The following POLG2 variants were observed in gnomAD, a reference collection of about 807,000 sequenced individuals.
POLG2 encodes DNA polymerase subunit gamma-2.
In POLG2, 50 loss-of-function variants were observed where a neutral mutation model predicts 56.5. The ratio of observed to expected loss-of-function variants is 0.88; its 90% CI spans 0.71 to 1.12. POLG2 has a LOEUF of 1.12. Ranked by LOEUF, POLG2 falls within the 50% of genes most tolerant of loss-of-function variation. The pLI is 0.00. For missense variants in POLG2, 584 were observed against 583.3 expected, an observed-to-expected ratio of 1.00 and a Z score of -0.01; for synonymous variants, 226 against 222.6, an observed-to-expected ratio of 1.02 and a Z score of -0.14.
intron 1 of POLG2, among the ~76,000 whole-genome samples, chr17:64,494,135 C>T (rs1555669072): frequency 6.6e-6 from 1 of 152,110 alleles, no homozygotes; most frequent in East Asian, 1.9e-4. Flanking sequence ...AGAACATTTC[C>T]CTTGCCTCCT....
At position 64,480,340 on chromosome 17, in the gene POLG2, C is replaced by A; in HGVS notation, c.1241G>T (p.Trp414Leu). The A allele has an allele frequency of 6.2e-7, 1 of 1,601,842 alleles. No homozygotes were observed. The highest frequency in any genetic ancestry group is 8.5e-7 in the Non-Finnish European group (1 of 1,170,234). Residue 414 changes from tryptophan (W) to leucine (L), a missense_variant, in exon 7 of 8, where the codon TGG (tryptophan) becomes TTG (leucine). Coordinates refer to ENST00000539111, the MANE Select transcript of POLG2 (RefSeq NM_007215.4). ...CTGCATAGTTTCCAAATAACCAGGC[C>A]ACACAGAAATCCCATTTTCTAGTAA... is the stretch of plus-strand genomic sequence containing the variant. Reference protein sequence around the residue: ...NELLENGISVWPGYLETMQSS... With the variant: ...NELLENGISVLPGYLETMQSS...
chr17:64,485,476 T>C, intron 5 of POLG2: 1 of 481,168 alleles, frequency 2.1e-6, no homozygotes, highest in Non-Finnish European at 3.8e-6. Context: ...CTAGGAGTCA[T>C]AGAGATAGCT....
intron 7 of POLG2, among the ~76,000 whole-genome samples, chr17:64,478,880 G>T (rs2037810649): frequency 6.6e-6 from 1 of 152,090 alleles, no homozygotes; most frequent in Admixed American, 6.6e-5. Flanking sequence ...GGGCGACAGT[G>T]CGAGACTCTG....
chr17:64,489,070 G>C lies in POLG2; in HGVS notation c.969+1726C>G, dbSNP rs111360992. On this transcript the variant is annotated intron_variant, in intron 4 of 7. Transcript: ENST00000539111. ...AGACATGGTCTCATCCTGTTGCACAGGCTGGAGTGCAGCAGCACAGTCTTG... is the reference window on the plus strand; with the variant it reads ...AGACATGGTCTCATCCTGTTGCACACGCTGGAGTGCAGCAGCACAGTCTTG... 3.4e-3 allele frequency among the ~76,000 whole-genome samples: 493 copies of C among 144,950 alleles called. 1 individual carries two copies. Among genetic ancestry groups the C allele is most frequent in the African/African-American group, 0.012 (465 of 39,154 alleles).
intron 4 of POLG2, chr17:64,490,519 G>A (rs187883734): frequency 4.7e-6 from 2 of 429,946 alleles, no homozygotes; most frequent in East Asian, 5.1e-5. Context: ...GGAGTGTAAA[G>A]GCATATGACA....
At chr17:64,478,129 AT>A (rs2037798091) in intron 7 of POLG2, 141 bp from the exon 8 acceptor site, 1 of 758,022 alleles carries the variant, frequency 1.3e-6, no homozygotes, top group African/African-American at 1.8e-5. Flanking sequence ...AAAACCCAAC[AT>A]TTTTAAAGTT....
At chr17:64,491,494 A>T in intron 3 of POLG2, 1 of 1,392,856 alleles carries the variant, frequency 7.2e-7, no homozygotes, top group Non-Finnish European at 1.0e-6. Context: ...CGGGCAAAAG[A>T]GTGAGACTAT....
At chr17:64,484,006 A>C (rs1044894178) in intron 5 of POLG2, 1 of 152,282 alleles carries the variant, frequency 6.6e-6, no homozygotes, top group Non-Finnish European at 1.5e-5. Context: ...TGAGCCATTC[A>C]GCCCAGCCTT....
In POLG2 at chr17:64,493,018, G is replaced by T. The variant is rs1555668868; in HGVS notation, c.566C>A (p.Ala189Asp). 2 of 1,613,978 alleles carry T rather than the reference G, an allele frequency of 1.2e-6. No homozygotes were observed. Among genetic ancestry groups the T allele is most frequent in the East Asian group, 2.2e-5 (1 of 44,872 alleles). Reference protein sequence around the residue: ...GKLRENLLHGALEHYVNCLDL... With the variant: ...GKLRENLLHGDLEHYVNCLDL... ...CAGGCAATTAACATAGTGTTCCAAG[G>T]CACCTGTCAAAAGATAAATCAATCA... Residue 189 changes from alanine to aspartate, a missense_variant, in exon 2 of 8, where the codon GCC becomes GAC. By Grantham distance (126) the Ala-to-Asp change is moderately radical. Transcript: ENST00000539111.
intron 1 of POLG2, 45 bp downstream of exon 1, chr17:64,496,362 T>G: frequency 7.5e-7 from 1 of 1,336,702 alleles, no homozygotes; most frequent in Admixed American, 2.0e-5. Flanking sequence ...CTGCCTCGCC[T>G]TTCCACCCGA....
chr17:64,482,593 C>T (rs1555666729), intron 6 of POLG2, among the ~76,000 whole-genome samples: 1 of 152,204 alleles, frequency 6.6e-6, no homozygotes, highest in African/African-American at 2.4e-5. Context: ...GCTGGGATTA[C>T]AGGCGTGAGC....
In POLG2 at chr17:64,485,772, G is replaced by C; in HGVS notation, c.1066C>G (p.Leu356Val). The C allele has an allele frequency of 7.4e-6, 12 of 1,612,736 alleles. No individual in the cohort carries two copies. The highest frequency in any genetic ancestry group is 9.3e-6 in the Non-Finnish European group (11 of 1,178,724). The change falls in exon 5 of 8, where the codon CTG becomes GTG. Residue 356 changes from leucine to valine, a missense_variant. By Grantham distance (32) the Leu-to-Val change is conservative. Coordinates refer to ENST00000539111, the MANE Select transcript of POLG2 (RefSeq NM_007215.4). ...TTTCTTGTAAAGGAGTTCTCTGTCAGCTGGAAAGAATCATAGAGGTAGGCC... is the reference window on the plus strand; with the variant it reads ...TTTCTTGTAAAGGAGTTCTCTGTCACCTGGAAAGAATCATAGAGGTAGGCC... The part of the protein sequence containing the change: ...MLAYLYDSFQ[L>V]TENSFTRKKN...
chr17:64,488,223 G>A (rs2037991942), intron 4 of POLG2, among the ~76,000 whole-genome samples: 1 of 150,866 alleles, frequency 6.6e-6, no homozygotes, highest in South Asian at 2.1e-4. Flanking sequence ...AAAAAAGAAA[G>A]AAATGGCCTC....
At chr17:64,481,680 C>A (rs1268033540) in intron 6 of POLG2, among the ~76,000 whole-genome samples, 1 of 152,024 alleles carries the variant, frequency 6.6e-6, no homozygotes, top group Non-Finnish European at 1.5e-5. Flanking sequence ...GGAGACCAGC[C>A]TGGCCAACAT....
At chr17:64,481,544 T>G in intron 6 of POLG2, 1 of 336,312 alleles carries the variant, frequency 3.0e-6, no homozygotes, top group Non-Finnish European at 4.2e-6. Context: ...AGATCTAGAA[T>G]ATCTGAATAT....
At chr17:64,490,767 A>T (rs1555668322) in intron 4 of POLG2, 29 bp downstream of exon 4, 2 of 1,577,710 alleles carry the variant, frequency 1.3e-6, no homozygotes, top group African/African-American at 2.7e-5. Flanking sequence ...CTGGGTAAAA[A>T]ATACATAGGA....
chr17:64,485,351 C>A, intron 5 of POLG2: 1 of 214,654 alleles, frequency 4.7e-6, no homozygotes, highest in Non-Finnish European at 9.4e-6. Flanking sequence ...AGCCAGACAC[C>A]TGGGGCAGAG....
chr17:64,492,808 C>G (rs1555668777), intron 2 of POLG2, 36 bp from the exon 3 acceptor site: 1 of 1,600,090 alleles, frequency 6.2e-7, no homozygotes, highest in South Asian at 1.1e-5. Flanking sequence ...GTTAGCTTAT[C>G]TGAAAATTAT....
At chr17:64,481,001 AG>A (rs1296600697) in intron 6 of POLG2, among the ~76,000 whole-genome samples, 1 of 152,232 alleles carries the variant, frequency 6.6e-6, no homozygotes, top group African/African-American at 2.4e-5. Context: ...GCAATAGGGA[AG>A]CAAAACAAAG....
Sources: allele counts gnomAD v4.1 joint callset (sites outside exome capture counted in the v4.1 genomes callset), GRCh38; gene constraint gnomAD v4.1.1; transcripts MANE v1.5; gene names NCBI Gene and HGNC (gene_info 2026-07-23, HGNC 2026-07-21).